The following SLC25A15 variants were observed in gnomAD, a reference collection of about 807,000 sequenced individuals.
The protein encoded by SLC25A15 is mitochondrial ornithine transporter 1.
A neutral mutation model predicts 32.3 loss-of-function variants in SLC25A15; 24 were observed. The observed-to-expected ratio is 0.74, with a 90% confidence interval of 0.54 to 1.04. The LOEUF is 1.04. Ranked by LOEUF, SLC25A15 falls within the 50% of genes least tolerant of loss-of-function variation. The pLI is 0.00. For synonymous variants in SLC25A15, 132 were observed against 142.1 expected (o/e 0.93, Z 0.51); for missense variants, 317 against 374.5 (o/e 0.85, Z 1.27).
In SLC25A15 at chr13:40,793,511, G is replaced by A. The variant is rs147222809; in HGVS notation, c.55+230G>A. On this transcript the variant is annotated intron_variant, in intron 2 of 6. Transcript: ENST00000338625. ...GGCCATACCGAATAGCCTAGGTGTG[G>A]AGTAGGCTACGCCATCTAGGGTCAG... Among the ~76,000 whole-genome samples, 30 of 152,330 alleles carry A rather than the reference G, an allele frequency of 2.0e-4. No individual in the cohort carries two copies. The East Asian group carries it at 5.6e-3, about 28-fold the overall frequency.
chr13:40,803,787 G>A (rs897230392), intron 3 of SLC25A15, among the ~76,000 whole-genome samples: 8 of 152,128 alleles, frequency 5.3e-5, no homozygotes, highest in African/African-American at 9.7e-5. Context: ...TTGGTTAAAC[G>A]TTTTTTCTGG....
At chr13:40,790,815 G>T (rs577283378) in intron 1 of SLC25A15, among the ~76,000 whole-genome samples, 3 of 152,262 alleles carry the variant, frequency 2.0e-5, no homozygotes, top group African/African-American at 7.2e-5. Context: ...TCGAACTCCC[G>T]ACCTCAGGTG....
In SLC25A15 at chr13:40,809,525, C is replaced by T. The variant is rs183166413; in HGVS notation, c.782-18C>T. 1.1e-5 allele frequency: 18 copies of T among 1,611,936 alleles called. No individual in the cohort carries two copies. The highest frequency in any genetic ancestry group is 5.0e-5 in the Admixed American group (3 of 60,004). ...AGGAGGGATTGTTGCAGTCTTTGAC[C>T]GCCCTTTTATTTGCTAGGAATAACG... On this transcript the variant is annotated intron_variant, in intron 6 of 6. Transcript: ENST00000338625.
Position 40,810,794 on chromosome 13 carries a change from C to T in SLC25A15, c.*1127C>T, listed in dbSNP as rs566061389. On this transcript the variant is annotated 3_prime_UTR_variant, in exon 7 of 7. Coordinates refer to ENST00000338625, the MANE Select transcript of SLC25A15 (RefSeq NM_014252.4). The stretch of plus-strand genomic sequence containing the variant: ...ATTGAGGAAGGGGCTGAGTGGTAGG[C>T]GGTGCTGCTGTGCTCTGATGAAGAC... 2.1e-5 allele frequency: 11 copies of T among 534,740 alleles called. No individual in the cohort carries two copies. The highest frequency in any genetic ancestry group is 1.2e-4 in the African/African-American group (6 of 52,066). 33.1% of individuals were successfully genotyped at this position (534,740 alleles called of 1,614,324 possible). A position where few individuals can be genotyped will look rare whatever the true frequency, so the allele number is the denominator to read the frequency against.
At chr13:40,806,259 T>G (rs905402336) in intron 4 of SLC25A15, among the ~76,000 whole-genome samples, 1 of 152,240 alleles carries the variant, frequency 6.6e-6, no homozygotes, top group Non-Finnish European at 1.5e-5. Flanking sequence ...TATGTGCCTT[T>G]GTAACCTGTG....
At chr13:40,807,202 T>C (rs1201274491) in intron 4 of SLC25A15, 92 bp from the exon 5 acceptor site, 1 of 1,173,628 alleles carries the variant, frequency 8.5e-7, no homozygotes, top group African/African-American at 1.5e-5. Flanking sequence ...TTACTAGTGC[T>C]TGATCAGATC....
intron 3 of SLC25A15, among the ~76,000 whole-genome samples, chr13:40,804,577 T>C (rs1882069756): frequency 6.6e-6 from 1 of 151,212 alleles, no homozygotes; most frequent in Non-Finnish European, 1.5e-5. Flanking sequence ...AGTCTCACTC[T>C]GTTGCCCAGG....
intron 3 of SLC25A15, among the ~76,000 whole-genome samples, chr13:40,804,708 ATT>A (rs367566067): frequency 1.1e-4 from 15 of 141,766 alleles, no homozygotes; most frequent in Admixed American, 1.4e-4. Context: ...CGCCCGGCTA[ATT>A]TTTTTTTTTT....
At chr13:40,804,266 C>T (rs1308495101) in intron 3 of SLC25A15, among the ~76,000 whole-genome samples, 2 of 152,186 alleles carry the variant, frequency 1.3e-5, no homozygotes, top group Non-Finnish European at 2.9e-5. Context: ...ACCTCATCTA[C>T]ACCTGATTAC....
rs1007126000 is a variant in SLC25A15 at position 40,808,544 on chromosome 13, T to G, written c.729T>G (p.Ser243=). 24 of 1,611,504 alleles carry G rather than the reference T, an allele frequency of 1.5e-5. No homozygotes were observed. The African/African-American group carries it at 3.1e-4, about 21-fold the overall frequency. ...IKSRIQVLSM[S]GKQAGFIRTF... is the part of the protein sequence containing the mutation. ...CCAGAATTCAAGTTCTTTCCATGTCTGGAAAACAGGCAGGATTTATCAGAA... is the reference window on the plus strand; with the variant it reads ...CCAGAATTCAAGTTCTTTCCATGTCGGGAAAACAGGCAGGATTTATCAGAA... The change falls in exon 6 of 7, where the codon TCT becomes TCG. Residue 243 remains serine (S), a synonymous_variant. Coordinates refer to ENST00000338625, the MANE Select transcript of SLC25A15 (RefSeq NM_014252.4).
At chr13:40,806,999 G>T (rs1472932945) in intron 4 of SLC25A15, among the ~76,000 whole-genome samples, 1 of 152,154 alleles carries the variant, frequency 6.6e-6, no homozygotes, top group Non-Finnish European at 1.5e-5. Context: ...GTAAACACCT[G>T]AACAAATTTC....
chr13:40,795,203 G>A (rs1441182521), intron 2 of SLC25A15, among the ~76,000 whole-genome samples: 1 of 152,188 alleles, frequency 6.6e-6, no homozygotes, highest in Non-Finnish European at 1.5e-5. Flanking sequence ...GCCCCAGGCC[G>A]CCTCTCACCA....
chr13:40,804,676 G>A (rs1162203865), intron 3 of SLC25A15, among the ~76,000 whole-genome samples: 1 of 151,622 alleles, frequency 6.6e-6, no homozygotes, highest in Admixed American at 6.6e-5. Context: ...TGAGTAGCTG[G>A]GACTACAGGC....
At position 40,805,165 on chromosome 13, in the gene SLC25A15, C is replaced by T. The variant is rs749323553; in HGVS notation, c.362C>T (p.Ala121Val). 5 of 1,614,204 alleles carry T rather than the reference C, an allele frequency of 3.1e-6. No individual in the cohort carries two copies. The highest frequency in any genetic ancestry group is 1.7e-5 in the Admixed American group (1 of 60,026). Residue 121 changes from alanine to valine, a missense_variant, in exon 4 of 7, where the codon GCA becomes GTA. By Grantham distance (64) the Ala-to-Val change is moderately conservative. Transcript: ENST00000338625. The stretch of plus-strand genomic sequence containing the variant: ...GGTTCCTTCGCCTCTGCCTTTGCTG[C>T]ACTGGTGCTCTGCCCCACGGAGCTC... Reference protein sequence around the residue: ...AAGSFASAFAALVLCPTELVK... With the variant: ...AAGSFASAFAVLVLCPTELVK...
At position 40,810,676 on chromosome 13, in the gene SLC25A15, T is replaced by C. The variant is rs914614693; in HGVS notation, c.*1009T>C. 9 of 514,220 alleles carry C rather than the reference T, an allele frequency of 1.8e-5. No individual in the cohort carries two copies. Among genetic ancestry groups the C allele is most frequent in the African/African-American group, 1.6e-4 (8 of 51,138 alleles). 31.9% of individuals were successfully genotyped at this position (514,220 alleles called of 1,614,324 possible). The stretch of plus-strand genomic sequence containing the variant: ...TCATATTCCACGCTGACTATATTGC[T>C]AGGGGTGGCCCAGAGGGTCAGGCCT... On this transcript the variant is annotated 3_prime_UTR_variant, in exon 7 of 7. Transcript: ENST00000338625.
chr13:40,804,312 G>T (rs1882047132), intron 3 of SLC25A15, among the ~76,000 whole-genome samples: 2 of 152,076 alleles, frequency 1.3e-5, no homozygotes, highest in South Asian at 4.1e-4. Context: ...CATCACCTTG[G>T]GGGGATAAAA....
chr13:40,807,501 G>A (rs1882242167), intron 5 of SLC25A15, 38 bp downstream of exon 5: 1 of 1,605,172 alleles, frequency 6.2e-7, no homozygotes, highest in Non-Finnish European at 8.5e-7. Flanking sequence ...GGGTGTGATG[G>A]TGTTTGCTCC....
chr13:40,790,015 T>C (rs2297015), intron 1 of SLC25A15, among the ~76,000 whole-genome samples: 5,568 of 151,872 alleles, frequency 0.037, 255 homozygotes, highest in East Asian at 0.16. Context: ...GCAGGGGCGG[T>C]GAACGTTTAG....
intron 2 of SLC25A15, 111 bp from the exon 3 acceptor site, chr13:40,798,946 T>C (rs1332724841): frequency 1.2e-6 from 2 of 1,603,452 alleles, no homozygotes; most frequent in East Asian, 2.2e-5. Flanking sequence ...GGAAAAGAGG[T>C]TGAAATGAAC....
Sources: gnomAD v4.1 joint callset for allele counts (sites outside exome capture counted in the v4.1 genomes callset) on GRCh38, gnomAD v4.1.1 for gene constraint, MANE v1.5 for transcripts, NCBI Gene and HGNC (gene_info 2026-07-23, HGNC 2026-07-21) for gene names.